The following HSD11B1L variants were observed in gnomAD, a reference collection of about 807,000 sequenced individuals.
The protein encoded by HSD11B1L is hydroxysteroid 11-beta-dehydrogenase 1-like protein.
A neutral mutation model predicts 27.0 loss-of-function variants in HSD11B1L; 22 were observed. The ratio of observed to expected loss-of-function variants is 0.81; its 90% CI spans 0.58 to 1.16. The LOEUF is 1.16. Ranked by LOEUF, HSD11B1L falls within the 50% of genes most tolerant of loss-of-function variation. The pLI is 0.00. For synonymous variants in HSD11B1L, 187 were observed against 189.2 expected, an observed-to-expected ratio of 0.99 and a Z score of 0.09; for missense variants, 372 against 401.8, an observed-to-expected ratio of 0.93 and a Z score of 0.63.
At chr19:5,683,941 G>A (rs1224812215) in intron 1 of HSD11B1L, 3 of 385,592 alleles carry the variant, frequency 7.8e-6, no homozygotes, top group Non-Finnish European at 1.4e-5. Flanking sequence ...AAAAAAAGGA[G>A]GCCCTCACTT....
Position 5,687,428 on chromosome 19 carries a change from G to C in HSD11B1L, c.502+53G>C. 1 of 1,600,896 alleles carries C rather than the reference G, an allele frequency of 6.2e-7. No homozygotes were observed. Among genetic ancestry groups the C allele is most frequent in the Non-Finnish European group, 8.5e-7 (1 of 1,177,246 alleles). On this transcript the variant is annotated intron_variant, in intron 6 of 7. Transcript: ENST00000339423. The surrounding 1 kb of genome is among the most constrained non-coding windows in gnomAD (Gnocchi z 6.6). ...GGACGGGGAGTGGGGAGCTCGATGC[G>C]GGTGAGCCTGGAGGGTCTGGGCAGG...
rs1215687974 is a variant in HSD11B1L, at chr19:5,687,117, C to T, written c.408+126C>T. 2.7e-6 allele frequency: 3 copies of T among 1,122,048 alleles called. No individual in the cohort carries two copies. 69.5% of individuals were successfully genotyped at this position (1,122,048 alleles called of 1,614,324 possible). On this transcript the variant is annotated intron_variant, in intron 5 of 7. Coordinates refer to ENST00000339423, the MANE Select transcript of HSD11B1L (RefSeq NM_198706.3). The surrounding 1 kb of genome is among the most constrained non-coding windows in gnomAD (Gnocchi z 6.6). ...CCACCCGTCCCGCCCCAGCCACGCC[C>T]CTCCTAGCCCAAGCCCCTGCTCCGG...
chr19:5,687,840 CT>C lies in HSD11B1L; in HGVS notation c.757del (p.Tyr253ThrfsTer118). ...GCGCCACGCGCGCGGCCGGCGTCTT[CT>C]ACCCGTGGCGTTTCCGCCTGCTGTG... ...GGATRAAGVF[Y>X]PWRFRLLCLL... On this transcript the variant is annotated frameshift_variant, in exon 8 of 8. Coordinates refer to ENST00000339423, the MANE Select transcript of HSD11B1L (RefSeq NM_198706.3). LOFTEE classifies it high-confidence loss of function. The surrounding 1 kb of genome is among the most constrained non-coding windows in gnomAD (Gnocchi z 6.6). 1 of 1,569,826 alleles carries C rather than the reference CT, an allele frequency of 6.4e-7. No individual in the cohort carries two copies. The highest frequency in any genetic ancestry group is 2.4e-5 in the East Asian group (1 of 42,240).
chr19:5,686,311 A>C (rs954850425), intron 3 of HSD11B1L, 105 bp from the exon 4 acceptor site: 4 of 717,914 alleles, frequency 5.6e-6, no homozygotes, highest in African/African-American at 2.0e-5. Context: ...GGCTCAGAGT[A>C]GGGGGGGGTT....
Position 5,687,029 on chromosome 19 carries a change from T to A in HSD11B1L, c.408+38T>A, listed in dbSNP as rs1476161032. 1 of 1,491,700 alleles carries A rather than the reference T, an allele frequency of 6.7e-7. No individual in the cohort carries two copies. The highest frequency in any genetic ancestry group is 9.1e-7 in the Non-Finnish European group (1 of 1,103,354). 92.4% of individuals were successfully genotyped at this position (1,491,700 alleles called of 1,614,324 possible). A position where few individuals can be genotyped will look rare whatever the true frequency, so the allele number is the denominator to read the frequency against. On this transcript the variant is annotated intron_variant, in intron 5 of 7. Transcript: ENST00000339423. This position sits in a 1 kb window ranked among gnomAD's most constrained non-coding sequence, Gnocchi z 6.6. ...TCCGCGGCCCCGGCCCGCCCCTCTA[T>A]CTCAGGGACCGGTGGTCCGTTCCCT...
chr19:5,688,018 C>A lies in HSD11B1L; in HGVS notation c.*73C>A. 6.4e-7 allele frequency: 1 copy of A among 1,551,546 alleles called. No homozygotes were observed. Among genetic ancestry groups the A allele is most frequent in the Non-Finnish European group, 8.7e-7 (1 of 1,147,030 alleles). ...CAACTGTCCCTGGAGCCAGAACACT[C>A]ACAGAGACACCCCTGAGAGGGTGGC... is the stretch of plus-strand genomic sequence containing the variant. On this transcript the variant is annotated 3_prime_UTR_variant, in exon 8 of 8. Transcript: ENST00000339423.
intron 3 of HSD11B1L, 88 bp from the exon 4 acceptor site, chr19:5,686,328 C>CG (rs2054688927): frequency 1.1e-6 from 1 of 886,972 alleles, no homozygotes; most frequent in South Asian, 1.7e-5. Context: ...GGTTTTCAGG[C>CG]GGGGGCCTCC....
rs1200860919 is a variant in HSD11B1L, at chr19:5,684,913, C to T, written c.73+8C>T. ...ATGACAACTTCGACCCAGGTGAGCA[C>T]CTGGGGTTGAGGGAGGGAGAAACCG... On this transcript the variant is annotated splice_region_variant and intron_variant, in intron 2 of 7. Coordinates refer to ENST00000339423, the MANE Select transcript of HSD11B1L (RefSeq NM_198706.3). 6.2e-7 allele frequency: 1 copy of T among 1,613,464 alleles called. No homozygotes were observed. The highest frequency in any genetic ancestry group is 1.3e-5 in the African/African-American group (1 of 75,038).
chr19:5,681,604 A>G (rs1599412777), intron 1 of HSD11B1L, among the ~76,000 whole-genome samples: 1 of 151,270 alleles, frequency 6.6e-6, no homozygotes, highest in East Asian at 2.0e-4. Context: ...TTATCTGGCC[A>G]CCCACTCATC....
chr19:5,687,552 G>C lies in HSD11B1L; in HGVS notation c.552G>C (p.Ala184=), dbSNP rs770459446. Residue 184 remains alanine, a synonymous_variant, in exon 7 of 8, where the codon GCG becomes GCC. Coordinates refer to ENST00000339423, the MANE Select transcript of HSD11B1L (RefSeq NM_198706.3). This position sits in a 1 kb window ranked among gnomAD's most constrained non-coding sequence, Gnocchi z 6.6. ...CTCCCTACTCGGCGGCCAAGTTTGC[G>C]CTGGACGGCTTCTTCGGCTCCCTGC... ...FSTPYSAAKF[A]LDGFFGSLRR... is the part of the protein sequence containing the mutation. The C allele has an allele frequency of 1.3e-6, 2 of 1,599,788 alleles. No homozygotes were observed. The highest frequency in any genetic ancestry group is 1.3e-5 in the African/African-American group (1 of 74,884).
At position 5,685,226 on chromosome 19, in the gene HSD11B1L, C is replaced by T; in HGVS notation, c.204+107C>T. 5 of 1,409,436 alleles carry T rather than the reference C, an allele frequency of 3.5e-6. No individual in the cohort carries two copies. In the South Asian group the frequency reaches 6.1e-5, roughly 17 times the overall value. The allele number at this position is 1,409,436 out of a possible 1,614,324, so 87.3% of individuals were successfully genotyped here. ...TCCAGGCTTCCCGTGTGACCTTGGG[C>T]AAGTCGCCTAACCTCTCTGAGCCTC... is the stretch of plus-strand genomic sequence containing the variant. On this transcript the variant is annotated intron_variant, in intron 3 of 7. Transcript: ENST00000339423. This position sits in a 1 kb window ranked among gnomAD's most constrained non-coding sequence, Gnocchi z 4.3.
Position 5,687,245 on chromosome 19 carries a change from T to C in HSD11B1L, c.409-37T>C. ...TTCTGGCCCCGCCCTGCCCCTGGGCTCCGCCTCTGCCGGTGACTCGCGAGT... is the reference window on the plus strand; with the variant it reads ...TTCTGGCCCCGCCCTGCCCCTGGGCCCCGCCTCTGCCGGTGACTCGCGAGT... On this transcript the variant is annotated intron_variant, in intron 5 of 7. Coordinates refer to ENST00000339423, the MANE Select transcript of HSD11B1L (RefSeq NM_198706.3). This position sits in a 1 kb window ranked among gnomAD's most constrained non-coding sequence, Gnocchi z 6.6. The C allele has an allele frequency of 3.1e-6, 5 of 1,605,218 alleles. No individual in the cohort carries two copies. The highest frequency in any genetic ancestry group is 4.3e-6 in the Non-Finnish European group (5 of 1,175,652).
Position 5,685,094 on chromosome 19 carries a change from C to A in HSD11B1L, c.179C>A (p.Ala60Asp). 2 of 1,550,170 alleles carry A rather than the reference C, an allele frequency of 1.3e-6. No homozygotes were observed. Among genetic ancestry groups the A allele is most frequent in the Non-Finnish European group, 8.7e-7 (1 of 1,147,366 alleles). The part of the protein sequence containing the change: ...ARLGSHLVLT[A>D]HTEALLQKVV... Reference sequence around the variant, plus strand: ...CTGGGCTCCCACCTGGTGCTCACTGCCCACACTGAGGCTCTCCTGCAGAAG... The same window carrying A: ...CTGGGCTCCCACCTGGTGCTCACTGACCACACTGAGGCTCTCCTGCAGAAG... Residue 60 changes from alanine (A) to aspartate (D), a missense_variant, in exon 3 of 8, where the codon GCC (alanine) becomes GAC (aspartate). Transcript: ENST00000339423. This position sits in a 1 kb window ranked among gnomAD's most constrained non-coding sequence, Gnocchi z 4.3.
Position 5,686,888 on chromosome 19 carries a change from T to G in HSD11B1L, c.317-12T>G, listed in dbSNP as rs1432258143. On this transcript the variant is annotated splice_polypyrimidine_tract_variant and intron_variant, in intron 4 of 7. Coordinates refer to ENST00000339423, the MANE Select transcript of HSD11B1L (RefSeq NM_198706.3). ...GAGGGGCCTCCGGGGCTGACCGGCG[T>G]TTCTGGGCCAGGCGGGCTGGACTAC... The G allele has an allele frequency of 5.2e-6, 8 of 1,539,182 alleles. No individual in the cohort carries two copies. Among genetic ancestry groups the G allele is most frequent in the Non-Finnish European group, 7.0e-6 (8 of 1,141,442 alleles).
In HSD11B1L at chr19:5,687,529, C is replaced by A. The variant is rs757998904; in HGVS notation, c.529C>A (p.Pro177Thr). Reference protein sequence around the residue: ...LGRVPTSFSTPYSAAKFALDG... With the variant: ...LGRVPTSFSTTYSAAKFALDG... Reference sequence around the variant, plus strand: ...CCGCGTGCCCACGTCGTTCTCCACTCCCTACTCGGCGGCCAAGTTTGCGCT... The same window carrying A: ...CCGCGTGCCCACGTCGTTCTCCACTACCTACTCGGCGGCCAAGTTTGCGCT... Residue 177 changes from proline (P) to threonine (T), a missense_variant, in exon 7 of 8, where the codon CCC becomes ACC. Coordinates refer to ENST00000339423, the MANE Select transcript of HSD11B1L (RefSeq NM_198706.3). This position sits in a 1 kb window ranked among gnomAD's most constrained non-coding sequence, Gnocchi z 6.6. 22 of 1,599,446 alleles carry A rather than the reference C, an allele frequency of 1.4e-5. No homozygotes were observed. Among genetic ancestry groups the A allele is most frequent in the Non-Finnish European group, 1.9e-5 (22 of 1,179,402 alleles).
intron 3 of HSD11B1L, 31 bp from the exon 4 acceptor site, chr19:5,686,385 G>A (rs559087659): frequency 6.9e-7 from 1 of 1,448,068 alleles, no homozygotes; most frequent in South Asian, 1.3e-5. Context: ...CTGTAGAGGA[G>A]AGGCCCACGG....
At position 5,687,130 on chromosome 19, in the gene HSD11B1L, G is replaced by C; in HGVS notation, c.408+139G>C. On this transcript the variant is annotated intron_variant, in intron 5 of 7. Coordinates refer to ENST00000339423, the MANE Select transcript of HSD11B1L (RefSeq NM_198706.3). The surrounding 1 kb of genome is among the most constrained non-coding windows in gnomAD (Gnocchi z 6.6). Reference sequence around the variant, plus strand: ...CCCAGCCACGCCCCTCCTAGCCCAAGCCCCTGCTCCGGCCTTGACCCCGCC... The same window carrying C: ...CCCAGCCACGCCCCTCCTAGCCCAACCCCCTGCTCCGGCCTTGACCCCGCC... The C allele has an allele frequency of 1.8e-6, 2 of 1,089,644 alleles. No individual in the cohort carries two copies. The highest frequency in any genetic ancestry group is 1.3e-6 in the Non-Finnish European group (1 of 758,566). 67.5% of individuals were successfully genotyped at this position (1,089,644 alleles called of 1,614,324 possible). A position where few individuals can be genotyped will look rare whatever the true frequency, so the allele number is the denominator to read the frequency against.
At position 5,688,507 on chromosome 19, in the gene HSD11B1L, CTCT is replaced by C. The variant is rs1358299173; in HGVS notation, c.*569_*571del. ...CCAGCCTCTTGTTCGAGAATAAAAA[CTCT>C]TCTTCTCTTGCATATCTGTTGTTCA... On this transcript the variant is annotated 3_prime_UTR_variant, in exon 8 of 8. Coordinates refer to ENST00000339423, the MANE Select transcript of HSD11B1L (RefSeq NM_198706.3). The C allele has an allele frequency of 4.3e-5, 13 of 303,670 alleles. 1 individual carries two copies. Among genetic ancestry groups the C allele is most frequent in the Admixed American group, 3.8e-4 (8 of 20,864 alleles). The allele number at this position is 303,670 out of a possible 1,614,324, so 18.8% of individuals were successfully genotyped here. A position where few individuals can be genotyped will look rare whatever the true frequency, so the allele number is the denominator to read the frequency against.
chr19:5,687,536 C>A lies in HSD11B1L; in HGVS notation c.536C>A (p.Ser179Ter), dbSNP rs1302632776. ...CCCACGTCGTTCTCCACTCCCTACT[C>A]GGCGGCCAAGTTTGCGCTGGACGGC... Reference protein sequence around the residue: ...RVPTSFSTPYSAAKFALDGFF... With the variant: ...RVPTSFSTPY The change falls in exon 7 of 8, where the codon TCG (serine) becomes TAG (stop). Residue 179 changes from serine (S) to a stop codon, truncating the protein, a stop_gained. Coordinates refer to ENST00000339423, the MANE Select transcript of HSD11B1L (RefSeq NM_198706.3). LOFTEE classifies it high-confidence loss of function. The surrounding 1 kb of genome is among the most constrained non-coding windows in gnomAD (Gnocchi z 6.6). The A allele has an allele frequency of 3.8e-6, 6 of 1,599,654 alleles. No homozygotes were observed. Among genetic ancestry groups the A allele is most frequent in the African/African-American group, 1.3e-5 (1 of 74,874 alleles).
Sources: allele counts gnomAD v4.1 joint callset (sites outside exome capture counted in the v4.1 genomes callset), GRCh38; gene constraint gnomAD v4.1.1; non-coding constraint Gnocchi (gnomAD v3.1); transcripts MANE v1.5; gene names NCBI Gene and HGNC (gene_info 2026-07-23, HGNC 2026-07-21).